RGS8: variants seen among roughly 807,000 people sequenced by gnomAD.
The protein encoded by RGS8 is regulator of G protein signaling 8.
A neutral mutation model predicts 21.7 loss-of-function variants in RGS8; 8 were observed. The observed-to-expected ratio is 0.37, with a 90% CI of 0.22 to 0.66. The LOEUF is 0.66. Among genes scored for constraint, RGS8 ranks in the 30% least tolerant of loss-of-function variants. RGS8 has a pLI of 0.59. For missense variants in RGS8, 157 were observed against 217.9 expected (o/e 0.72, Z 1.76); for synonymous variants, 80 against 83.6 (o/e 0.96, Z 0.24).
the RGS8 span, among the ~76,000 whole-genome samples, chr1:182,707,799 C>A: frequency 6.6e-6 from 1 of 152,098 alleles, no homozygotes; most frequent in Admixed American, 6.5e-5. Context: ...CTCTGCCTCC[C>A]GGGTTCACAC....
upstream of RGS8, chr1:182,672,736 C>G: frequency 6.5e-7 from 1 of 1,534,160 alleles, no homozygotes; most frequent in Non-Finnish European, 9.0e-7. Flanking sequence ...TGGAGTGAGA[C>G]TTTTCCTTTT....
the RGS8 span, among the ~76,000 whole-genome samples, chr1:182,720,881 A>G: frequency 4.8e-5 from 6 of 125,908 alleles, no homozygotes; most frequent in South Asian, 2.5e-4. Flanking sequence ...ACATATATGT[A>G]TATATATACA....
the RGS8 span, among the ~76,000 whole-genome samples, chr1:182,742,981 C>T: frequency 1.3e-5 from 2 of 152,126 alleles, no homozygotes; most frequent in East Asian, 3.9e-4. Context: ...TGGCATTGTG[C>T]AATAACAGAG....
At chr1:182,738,042 C>T in the RGS8 span, among the ~76,000 whole-genome samples, 1 of 152,132 alleles carries the variant, frequency 6.6e-6, no homozygotes, top group African/African-American at 2.4e-5. Context: ...TTAAAAATTG[C>T]TTTTTAAAGC....
At chr1:182,743,852 A>G in the RGS8 span, among the ~76,000 whole-genome samples, 40 of 152,294 alleles carry the variant, frequency 2.6e-4, no homozygotes, top group South Asian at 8.3e-3. Flanking sequence ...TGCTACATAC[A>G]CATACCCACA....
the RGS8 span, chr1:182,733,768 A>G: frequency 2.6e-5 from 4 of 152,246 alleles, no homozygotes; most frequent in African/African-American, 9.6e-5. Flanking sequence ...CAATAAAATT[A>G]GGAATAGAAA....
the RGS8 span, chr1:182,734,871 G>A: frequency 1.2e-4 from 19 of 152,222 alleles, no homozygotes; most frequent in South Asian, 3.5e-3. Context: ...TATAATGTGG[G>A]CCACATACAT....
At chr1:182,663,339 T>C (rs1663694641) in intron 5 of RGS8, among the ~76,000 whole-genome samples, 1 of 152,194 alleles carries the variant, frequency 6.6e-6, no homozygotes, top group South Asian at 2.1e-4. Flanking sequence ...TTCTAAAAGC[T>C]TGAAATTCTA....
chr1:182,747,438 G>C, the RGS8 span, among the ~76,000 whole-genome samples: 2 of 152,138 alleles, frequency 1.3e-5, no homozygotes, highest in East Asian at 3.9e-4. Context: ...GTTAAGGAGT[G>C]CTGTAACATA....
the RGS8 span, among the ~76,000 whole-genome samples, chr1:182,691,607 TAAAAAAAAAAAA>T: frequency 3.7e-5 from 1 of 27,226 alleles, no homozygotes; most frequent in South Asian, 2.7e-3. Context: ...CCCTTCATGT[TAAAAAAAAAAAA>T]AAAAAAAAAA....
At chr1:182,672,862 A>T (rs1664230382), upstream of RGS8, 1 of 1,613,450 alleles carries the variant, frequency 6.2e-7, no homozygotes, top group Admixed American at 1.7e-5. Flanking sequence ...CAGAAGGAGG[A>T]CTCTCTTCCT....
chr1:182,722,363 CAAAAAAAAAAA>C, the RGS8 span, among the ~76,000 whole-genome samples: 3 of 79,422 alleles, frequency 3.8e-5, 1 homozygote, highest in East Asian at 1.1e-3. Context: ...AGCAAATTAC[CAAAAAAAAAAA>C]AAAAAAAAAA....
the RGS8 span, among the ~76,000 whole-genome samples, chr1:182,692,351 C>T: frequency 6.6e-6 from 1 of 151,908 alleles, no homozygotes; most frequent in East Asian, 1.9e-4. Context: ...AGAACCAAAT[C>T]AACAATGCAA....
At chr1:182,670,157 C>T (rs1290166074) in intron 2 of RGS8, among the ~76,000 whole-genome samples, 1 of 152,170 alleles carries the variant, frequency 6.6e-6, no homozygotes, top group Non-Finnish European at 1.5e-5. Flanking sequence ...TGCTCTGATT[C>T]TCGCCTCCCT....
At chr1:182,748,669 G>T in the RGS8 span, among the ~76,000 whole-genome samples, 1 of 152,068 alleles carries the variant, frequency 6.6e-6, no homozygotes, top group South Asian at 2.1e-4. Flanking sequence ...AATTTTTCGA[G>T]GAAACTTCAT....
At position 182,669,803 on chromosome 1, in the gene RGS8, G is replaced by T. The variant is rs1262713283; in HGVS notation, c.-103-51C>A. On this transcript the variant is annotated intron_variant, in intron 2 of 6. Transcript: ENST00000483095. ...AGGGGCCACCCTCTCTCATCTGACT[G>T]CACTACATTTCCTCTCAGACGGGTT... 2.7e-6 allele frequency: 4 copies of T among 1,485,644 alleles called. No homozygotes were observed. In the East Asian group the frequency reaches 9.9e-5, roughly 37 times the overall value. The allele number at this position is 1,485,644 out of a possible 1,614,324, so 92.0% of individuals were successfully genotyped here. A position where few individuals can be genotyped will look rare whatever the true frequency, so the allele number is the denominator to read the frequency against.
At chr1:182,739,352 C>A in the RGS8 span, among the ~76,000 whole-genome samples, 3 of 152,150 alleles carry the variant, frequency 2.0e-5, no homozygotes, top group African/African-American at 7.2e-5. Context: ...TTCTCCCCAA[C>A]GCTGTCATCT....
At chr1:182,672,033 T>C, upstream of RGS8, 1 of 653,366 alleles carries the variant, frequency 1.5e-6, no homozygotes. Flanking sequence ...TCAGCCTCAC[T>C]AACCTGAAGC....
chr1:182,681,923 ACAGAGAACACTGACCAATTCCATG>A (rs764617699), intron 1 of RGS8, among the ~76,000 whole-genome samples: 12 of 152,212 alleles, frequency 7.9e-5, no homozygotes, highest in Admixed American at 1.3e-4. Context: ...GAAATTCCAT[ACAGAGAACACTGACCAATTCCATG>A]CAGAGAACAC....
Sources: gnomAD v4.1 joint callset for allele counts (sites outside exome capture counted in the v4.1 genomes callset) on GRCh38, gnomAD v4.1.1 for gene constraint, MANE v1.5 for transcripts, NCBI Gene and HGNC (gene_info 2026-07-23, HGNC 2026-07-21) for gene names.